The following KAT7 variants were observed in gnomAD, a reference collection of about 807,000 sequenced individuals.
KAT7 encodes the protein lysine acetyltransferase 7.
In KAT7, 10 loss-of-function variants were observed where a neutral mutation model predicts 82.1. The observed-to-expected ratio is 0.12, with a 90% CI of 0.08 to 0.21. KAT7 has a LOEUF of 0.21. Among genes scored for constraint, KAT7 ranks in the 10% least tolerant of loss-of-function variants. KAT7 has a pLI of 1.00. For missense variants in KAT7, 378 were observed against 760.9 expected (o/e 0.50, Z 5.92); for synonymous variants, 250 against 262.5 (o/e 0.95, Z 0.46).
At chr17:49,808,510 G>A (rs2074120543) in intron 5 of KAT7, among the ~76,000 whole-genome samples, 1 of 150,836 alleles carries the variant, frequency 6.6e-6, no homozygotes, top group Non-Finnish European at 1.5e-5. Flanking sequence ...GAGTGCAGTG[G>A]TGCGATCTCG....
At chr17:49,817,763 T>G in intron 8 of KAT7, 57 bp from the exon 9 acceptor site, 1 of 1,470,174 alleles carries the variant, frequency 6.8e-7, no homozygotes, top group Non-Finnish European at 9.4e-7. Context: ...GTGCCCTGTC[T>G]AAAAGCAAAG....
chr17:49,803,745 A>G (rs887370352), intron 4 of KAT7, among the ~76,000 whole-genome samples: 1 of 152,104 alleles, frequency 6.6e-6, no homozygotes, highest in African/African-American at 2.4e-5. Flanking sequence ...TTTTAATAAT[A>G]CAGTCCCGGA....
At chr17:49,804,546 C>T (rs896626571) in intron 4 of KAT7, among the ~76,000 whole-genome samples, 2 of 152,108 alleles carry the variant, frequency 1.3e-5, no homozygotes, top group Non-Finnish European at 2.9e-5. Flanking sequence ...GAGGCGGAGG[C>T]AGGAAGATTG....
intron 11 of KAT7, among the ~76,000 whole-genome samples, chr17:49,822,841 A>C (rs904454481): frequency 6.6e-6 from 1 of 152,058 alleles, no homozygotes; most frequent in Non-Finnish European, 1.5e-5. Context: ...GGGGACTTAC[A>C]GTGGTGTTTC....
intron 1 of KAT7, among the ~76,000 whole-genome samples, chr17:49,791,524 G>A (rs1345817627): frequency 1.3e-5 from 2 of 152,206 alleles, no homozygotes; most frequent in Non-Finnish European, 2.9e-5. Context: ...TGGGCATGGT[G>A]GCGGGCGCCT....
chr17:49,796,194 G>T (rs1011825812), intron 2 of KAT7, among the ~76,000 whole-genome samples: 2 of 151,830 alleles, frequency 1.3e-5, no homozygotes, highest in Non-Finnish European at 1.5e-5. Flanking sequence ...GCCAGAGAGG[G>T]TAATAAGAAA....
rs1268160592 is a variant in KAT7 at position 49,830,676 on chromosome 17, A to AT, written c.*3175dup. On this transcript the variant is annotated 3_prime_UTR_variant, in exon 15 of 15. Transcript: ENST00000259021. ...CCCTCATATTAGCCCTGTACAGTAG[A>AT]TGGGTACACTGGTTTGCCAAAGGAG... The AT allele has an allele frequency of 6.6e-6, 1 of 152,186 alleles. No homozygotes were observed. The highest frequency in any genetic ancestry group is 6.5e-5 in the Admixed American group (1 of 15,268). The allele number at this position is 152,186 out of a possible 1,614,324, so 9.4% of individuals were successfully genotyped here.
At position 49,788,719 on chromosome 17, in the gene KAT7, G is replaced by T; in HGVS notation, c.-116G>T. 8.6e-7 allele frequency: 1 copy of T among 1,162,988 alleles called. No individual in the cohort carries two copies. Among genetic ancestry groups the T allele is most frequent in the Non-Finnish European group, 1.2e-6 (1 of 837,104 alleles). 72.0% of individuals were successfully genotyped at this position (1,162,988 alleles called of 1,614,324 possible). On this transcript the variant is annotated 5_prime_UTR_variant, in exon 1 of 15. Transcript: ENST00000259021. The stretch of plus-strand genomic sequence containing the variant: ...GACGCTGAGAGGCAGGAGGCACTAG[G>T]GATCGTCCGCAGGATTGGGACTGAT...
At position 49,827,529 on chromosome 17, in the gene KAT7, A is replaced by G. The variant is rs1189170473; in HGVS notation, c.*27A>G. 2 of 1,335,752 alleles carry G rather than the reference A, an allele frequency of 1.5e-6. No individual in the cohort carries two copies. The highest frequency in any genetic ancestry group is 2.9e-5 in the African/African-American group (2 of 69,452). The allele number at this position is 1,335,752 out of a possible 1,614,324, so 82.7% of individuals were successfully genotyped here. On this transcript the variant is annotated 3_prime_UTR_variant, in exon 15 of 15. Coordinates refer to ENST00000259021, the MANE Select transcript of KAT7 (RefSeq NM_007067.5). ...GTGACCTGTCATTCCGAGCCAGCGA[A>G]CCCCAGCAGTAGGAATCCGTACCCT...
intron 6 of KAT7, among the ~76,000 whole-genome samples, chr17:49,809,661 C>G (rs1425641205): frequency 6.6e-6 from 1 of 152,158 alleles, no homozygotes; most frequent in Non-Finnish European, 1.5e-5. Context: ...TGGCTTGGTC[C>G]TAAACCTCCT....
At chr17:49,815,935 C>G (rs2074228101) in intron 8 of KAT7, 22 bp downstream of exon 8, 1 of 1,417,964 alleles carries the variant, frequency 7.1e-7, no homozygotes, top group Non-Finnish European at 1.0e-6. Flanking sequence ...AACCTCCAAA[C>G]TGAAGGCCGC....
At chr17:49,813,534 C>A (rs2074196476) in intron 7 of KAT7, among the ~76,000 whole-genome samples, 1 of 152,176 alleles carries the variant, frequency 6.6e-6, no homozygotes, top group Admixed American at 6.5e-5. Context: ...ATAGTTGACC[C>A]TTCGTATCCA....
At chr17:49,811,785 A>G (rs977585240) in intron 7 of KAT7, among the ~76,000 whole-genome samples, 2 of 152,330 alleles carry the variant, frequency 1.3e-5, no homozygotes, top group Admixed American at 1.3e-4. Context: ...AATGAAATAC[A>G]ATTAGAATTT....
chr17:49,821,619 C>G, intron 10 of KAT7, 31 bp from the exon 11 acceptor site: 2 of 1,611,684 alleles, frequency 1.2e-6, no homozygotes, highest in Non-Finnish European at 1.7e-6. Context: ...AATCAGTGGC[C>G]CACACATGAA....
intron 4 of KAT7, 30 bp from the exon 5 acceptor site, chr17:49,805,333 C>G (rs1167791586): frequency 1.2e-5 from 17 of 1,465,418 alleles, no homozygotes; most frequent in Non-Finnish European, 1.6e-5. Flanking sequence ...TGTCTTCTTT[C>G]TTGAGATTAA....
intron 4 of KAT7, among the ~76,000 whole-genome samples, chr17:49,799,117 A>T (rs2073991968): frequency 6.6e-6 from 1 of 152,220 alleles, no homozygotes; most frequent in African/African-American, 2.4e-5. Context: ...TTATATTCTT[A>T]TGAGTTTTAC....
intron 2 of KAT7, 107 bp downstream of exon 2, chr17:49,792,140 T>G (rs2073898271): frequency 9.5e-7 from 1 of 1,050,568 alleles, no homozygotes; most frequent in Admixed American, 2.2e-5. Flanking sequence ...TTGGTGTAGA[T>G]GACAGTGCAC....
intron 2 of KAT7, among the ~76,000 whole-genome samples, chr17:49,793,212 T>TA (rs1478234810): frequency 6.6e-6 from 1 of 152,254 alleles, no homozygotes; most frequent in Non-Finnish European, 1.5e-5. Flanking sequence ...CTCTTGGACT[T>TA]ACTCTTGGCA....
intron 14 of KAT7, chr17:49,827,072 G>C: frequency 2.3e-6 from 1 of 437,814 alleles, no homozygotes; most frequent in Non-Finnish European, 4.1e-6. Context: ...GTCATTTGAT[G>C]TTTTTCTTAG....
Sources: allele counts gnomAD v4.1 joint callset (sites outside exome capture counted in the v4.1 genomes callset), GRCh38; gene constraint gnomAD v4.1.1; transcripts MANE v1.5; gene names NCBI Gene and HGNC (gene_info 2026-07-23, HGNC 2026-07-21).